Variants in TAFA4 observed in about 807,000 individuals in gnomAD.
TAFA4 encodes chemokine-like protein TAFA-4.
A neutral mutation model predicts 21.1 loss-of-function variants in TAFA4; 20 were observed. The observed-to-expected ratio is 0.95, with a 90% CI of 0.67 to 1.38. TAFA4 has a LOEUF of 1.38. Ranked by LOEUF, TAFA4 falls within the 40% of genes most tolerant of loss-of-function variation. The pLI is 0.00. For synonymous variants in TAFA4, 71 were observed against 67.4 expected (o/e 1.05, Z -0.26); for missense variants, 211 against 180.9 (o/e 1.17, Z -0.95).
chr3:68,760,614 A>G (rs1702741453), intron 3 of TAFA4, among the ~76,000 whole-genome samples: 1 of 152,186 alleles, frequency 6.6e-6, no homozygotes, highest in African/African-American at 2.4e-5. Flanking sequence ...GGTTTTCTGT[A>G]TGGCATTTTC....
rs115807576 is a variant in TAFA4, at chr3:68,733,351, A to G, written c.412-198T>C. Among the ~76,000 whole-genome samples, 831 of 152,296 alleles carry G rather than the reference A, an allele frequency of 5.5e-3. 10 individuals are homozygous for G. The highest frequency in any genetic ancestry group is 0.019 in the African/African-American group (803 of 41,566). On this transcript the variant is annotated intron_variant, in intron 5 of 5. Transcript: ENST00000295569. The stretch of plus-strand genomic sequence containing the variant: ...AAGAAATATAAAGAATACATGCACA[A>G]AGACTTCCATAAGAGGGTATTATGC...
chr3:68,758,851 G>T (rs1423952879), intron 3 of TAFA4, among the ~76,000 whole-genome samples: 1 of 152,152 alleles, frequency 6.6e-6, no homozygotes, highest in African/African-American at 2.4e-5. Flanking sequence ...ATTAGTTAAG[G>T]TTCTCCAGAG....
chr3:68,907,157 C>T (rs1259879451), intron 1 of TAFA4, among the ~76,000 whole-genome samples: 3 of 151,498 alleles, frequency 2.0e-5, no homozygotes, highest in Non-Finnish European at 4.4e-5. Context: ...GTGATTTTAG[C>T]CAAGAGGGAG....
intron 3 of TAFA4, among the ~76,000 whole-genome samples, chr3:68,790,632 C>A (rs1222076504): frequency 6.6e-6 from 1 of 152,040 alleles, no homozygotes. Flanking sequence ...TATGAGAATC[C>A]CCTAAATGAC....
In TAFA4 at chr3:68,732,978, G is replaced by T; in HGVS notation, c.*164C>A. 1 of 768,860 alleles carries T rather than the reference G, an allele frequency of 1.3e-6. No homozygotes were observed. Among genetic ancestry groups the T allele is most frequent in the Non-Finnish European group, 2.1e-6 (1 of 480,056 alleles). 47.6% of individuals were successfully genotyped at this position (768,860 alleles called of 1,614,324 possible). A position where few individuals can be genotyped will look rare whatever the true frequency, so the allele number is the denominator to read the frequency against. On this transcript the variant is annotated 3_prime_UTR_variant, in exon 6 of 6. Transcript: ENST00000295569. ...TGAAATAAAATCACGAAGCAGAGAG[G>T]GCTGGGCCAGTTAAGTGAATGCCAC...
chr3:68,821,752 A>G (rs1704117606), intron 3 of TAFA4, among the ~76,000 whole-genome samples: 3 of 152,146 alleles, frequency 2.0e-5, no homozygotes, highest in Admixed American at 6.5e-5. Flanking sequence ...TGAAGCCTGA[A>G]GGGTGCATTC....
At chr3:68,812,968 A>C (rs10446362) in intron 3 of TAFA4, among the ~76,000 whole-genome samples, 55,950 of 151,948 alleles carry the variant, frequency 0.37, 11,110 homozygotes, top group Non-Finnish European at 0.45. Flanking sequence ...AAATTATAAC[A>C]AACTGTCTCT....
At position 68,922,467 on chromosome 3, in the gene TAFA4, CA is replaced by C. The variant is rs375644357; in HGVS notation, c.-123+9772del. Among the ~76,000 whole-genome samples, 17 of 151,350 alleles carry C rather than the reference CA, an allele frequency of 1.1e-4. No homozygotes were observed. In the East Asian group the frequency reaches 1.2e-3, roughly 10 times the overall value. On this transcript the variant is annotated intron_variant, in intron 1 of 5. Transcript: ENST00000295569. ...ACAAAGTTCAGAATTTGCAGAGGAT[CA>C]AAAAAAAATTGCAATCAGCATAAAC...
At chr3:68,753,359 A>G (rs1702597269) in intron 3 of TAFA4, among the ~76,000 whole-genome samples, 1 of 122,218 alleles carries the variant, frequency 8.2e-6, no homozygotes, top group Non-Finnish European at 1.6e-5. Context: ...TTTTTGAGAG[A>G]GAATCTCACT....
At chr3:68,831,992 C>A (rs1386015316) in intron 3 of TAFA4, among the ~76,000 whole-genome samples, 3 of 152,132 alleles carry the variant, frequency 2.0e-5, no homozygotes, top group Admixed American at 6.5e-5. Flanking sequence ...CTTGTGTATG[C>A]TTCACGAAGC....
intron 3 of TAFA4, 118 bp from the exon 4 acceptor site, chr3:68,753,136 T>C (rs1234139485): frequency 3.6e-6 from 3 of 829,966 alleles, no homozygotes; most frequent in Non-Finnish European, 5.5e-6. Context: ...CTTATGAGTC[T>C]TTGTAACATT....
intron 3 of TAFA4, among the ~76,000 whole-genome samples, chr3:68,844,991 T>C (rs1401990562): frequency 1.3e-5 from 2 of 152,342 alleles, no homozygotes; most frequent in East Asian, 3.9e-4. Flanking sequence ...GAATGTGTAT[T>C]CTGCTGATTT....
At chr3:68,917,882 C>T (rs547235676) in intron 1 of TAFA4, among the ~76,000 whole-genome samples, 4 of 150,578 alleles carry the variant, frequency 2.7e-5, no homozygotes, top group Admixed American at 1.3e-4. Context: ...AGTTTGTGGA[C>T]GATCAGGACA....
chr3:68,815,703 T>C (rs192480667), intron 3 of TAFA4, among the ~76,000 whole-genome samples: 2 of 152,154 alleles, frequency 1.3e-5, no homozygotes, highest in African/African-American at 4.8e-5. Context: ...GGAACACTTT[T>C]ACACTGTTGG....
At chr3:68,760,724 C>T (rs1161163722) in intron 3 of TAFA4, among the ~76,000 whole-genome samples, 1 of 152,220 alleles carries the variant, frequency 6.6e-6, no homozygotes, top group Non-Finnish European at 1.5e-5. Context: ...AGTGGCTTCC[C>T]TTGGCGAACA....
intron 3 of TAFA4, among the ~76,000 whole-genome samples, chr3:68,783,713 A>AAAGAAAG (rs1553641278): frequency 0.014 from 1,106 of 80,792 alleles, 22 homozygotes; most frequent in East Asian, 0.055. Flanking sequence ...GAGAGAAAGA[A>AAAGAAAG]AAAGAAAGAA....
intron 4 of TAFA4, among the ~76,000 whole-genome samples, chr3:68,751,136 T>C (rs1472197456): frequency 6.6e-6 from 1 of 151,946 alleles, no homozygotes; most frequent in Non-Finnish European, 1.5e-5. Flanking sequence ...TGTGCAGAAA[T>C]GAAAAGAAAT....
At chr3:68,910,730 T>A (rs2107003600) in intron 1 of TAFA4, among the ~76,000 whole-genome samples, 1 of 152,356 alleles carries the variant, frequency 6.6e-6, no homozygotes, top group South Asian at 2.1e-4. Flanking sequence ...AGAATTGTTC[T>A]GCAGGGTTGT....
chr3:68,869,446 T>A (rs2089457608), intron 3 of TAFA4, among the ~76,000 whole-genome samples: 1 of 152,046 alleles, frequency 6.6e-6, no homozygotes, highest in African/African-American at 2.4e-5. Flanking sequence ...TGAACACAGA[T>A]GTAAACGTCC....
Sources: allele counts gnomAD v4.1 joint callset (sites outside exome capture counted in the v4.1 genomes callset), GRCh38; gene constraint gnomAD v4.1.1; transcripts MANE v1.5; gene names NCBI Gene and HGNC (gene_info 2026-07-23, HGNC 2026-07-21).